Variants in ADRA1D observed in about 807,000 individuals in gnomAD.
The protein encoded by ADRA1D is alpha-1D adrenergic receptor.
Under a neutral mutation model 18.6 loss-of-function variants are expected in ADRA1D, and 22 were observed. The ratio of observed to expected loss-of-function variants is 1.19; its 90% CI spans 0.85 to 1.69. ADRA1D has a LOEUF of 1.69. ADRA1D is among the 40% of genes most tolerant of loss of function. The pLI, the probability that ADRA1D is intolerant of heterozygous loss-of-function variation, is 0.00. For missense variants in ADRA1D, 840 were observed against 840.7 expected (o/e 1.00, Z 0.01); for synonymous variants, 376 against 388.2 (o/e 0.97, Z 0.37).
At chr20:4,242,237 A>T (rs1321908384) in intron 1 of ADRA1D, among the ~76,000 whole-genome samples, 1 of 152,220 alleles carries the variant, frequency 6.6e-6, no homozygotes, top group Non-Finnish European at 1.5e-5. Flanking sequence ...CCATGTGTGC[A>T]TCAGTAGTTT....
Position 4,249,193 on chromosome 20 carries a change from C to T in ADRA1D, c.-236G>A. On this transcript the variant is annotated 5_prime_UTR_variant, in exon 1 of 2. Transcript: ENST00000379453. Reference sequence around the variant, plus strand: ...GGAGTAGCACCGAAGAGCCGGGGCCCGCTACGCGCGCGGCGCTCTGAGCGT... The same window carrying T: ...GGAGTAGCACCGAAGAGCCGGGGCCTGCTACGCGCGCGGCGCTCTGAGCGT... The T allele has an allele frequency of 5.7e-6, 1 of 176,096 alleles. No individual in the cohort carries two copies. The highest frequency in any genetic ancestry group is 2.0e-4 in the South Asian group (1 of 5,106). 10.9% of individuals were successfully genotyped at this position (176,096 alleles called of 1,614,324 possible).
chr20:4,236,205 G>A (rs904260487), intron 1 of ADRA1D, among the ~76,000 whole-genome samples: 9 of 152,194 alleles, frequency 5.9e-5, no homozygotes, highest in Admixed American at 4.6e-4. Context: ...AAACTGGGGG[G>A]ACTTTGGTCA....
rs559982791 is a variant in ADRA1D at position 4,228,802 on chromosome 20, G to A, written c.1112-6672C>T. 2.0e-5 allele frequency among the ~76,000 whole-genome samples: 3 copies of A among 152,302 alleles called. No individual in the cohort carries two copies. In the South Asian group the frequency reaches 6.2e-4, roughly 32 times the overall value. On this transcript the variant is annotated intron_variant, in intron 1 of 1. Transcript: ENST00000379453. ...TTAGTGTCCCTACTTGTATGGTGGAGCCCTCGATCCTTAAGCCACCCACAA... is the reference window on the plus strand; with the variant it reads ...TTAGTGTCCCTACTTGTATGGTGGAACCCTCGATCCTTAAGCCACCCACAA...
At chr20:4,235,850 G>A (rs1981077087) in intron 1 of ADRA1D, among the ~76,000 whole-genome samples, 1 of 152,202 alleles carries the variant, frequency 6.6e-6, no homozygotes, top group Non-Finnish European at 1.5e-5. Context: ...GGGGGTGCAC[G>A]GCAGGCCTGG....
In ADRA1D at chr20:4,248,899, G is replaced by T; in HGVS notation, c.59C>A (p.Ala20Glu). Reference sequence around the variant, plus strand: ...GCCGCCGCCCGCGCTGGAGCCCCCTGCGCTGCTGTCCGGGCGGGGTCCCTC... The same window carrying T: ...GCCGCCGCCCGCGCTGGAGCCCCCTTCGCTGCTGTCCGGGCGGGGTCCCTC... ...SFEGPRPDSS[A>E]GGSSAGGGGG... Residue 20 changes from alanine (A) to glutamate (E), a missense_variant, in exon 1 of 2, where the codon GCA (alanine) becomes GAA (glutamate). Coordinates refer to ENST00000379453, the MANE Select transcript of ADRA1D (RefSeq NM_000678.4). The T allele has an allele frequency of 1.5e-6, 2 of 1,296,868 alleles. No homozygotes were observed. The highest frequency in any genetic ancestry group is 4.0e-5 in the East Asian group (1 of 25,226). The allele number at this position is 1,296,868 out of a possible 1,614,324, so 80.3% of individuals were successfully genotyped here. A position where few individuals can be genotyped will look rare whatever the true frequency, so the allele number is the denominator to read the frequency against.
rs1344394531 is a variant in ADRA1D at position 4,248,850 on chromosome 20, GGCCGC to G, written c.103_107del (p.Ala35ProfsTer78). 5.6e-5 allele frequency: 57 copies of G among 1,017,796 alleles called. No homozygotes were observed. Among genetic ancestry groups the G allele is most frequent in the Non-Finnish European group, 6.4e-5 (54 of 849,142 alleles). 63.0% of individuals were successfully genotyped at this position (1,017,796 alleles called of 1,614,324 possible). ...CGCCCACCGCCGGGCCCTCCGAGGG[GGCCGC>G]GCCGCCCGCGCTGCCCCCGCCGCCG... is the stretch of plus-strand genomic sequence containing the variant. On this transcript the variant is annotated frameshift_variant, in exon 1 of 2. Coordinates refer to ENST00000379453, the MANE Select transcript of ADRA1D (RefSeq NM_000678.4). LOFTEE classifies it high-confidence loss of function.
chr20:4,248,084 C>G lies in ADRA1D; in HGVS notation c.874G>C (p.Val292Leu). Residue 292 changes from valine to leucine, a missense_variant, in exon 1 of 2, where the codon GTC becomes CTC. Physicochemically the swap from Val to Leu is conservative, Grantham distance 32. Coordinates refer to ENST00000379453, the MANE Select transcript of ADRA1D (RefSeq NM_000678.4). ...RSTTRSLEAGVKRERGKASEV... is the reference protein window; with the variant it reads ...RSTTRSLEAGLKRERGKASEV... ...GAGGCCTTGCCTCGCTCGCGCTTGACGCCCGCCTCGAGGCTGCGCGTGGTG... is the reference window on the plus strand; with the variant it reads ...GAGGCCTTGCCTCGCTCGCGCTTGAGGCCCGCCTCGAGGCTGCGCGTGGTG... 1 of 1,552,546 alleles carries G rather than the reference C, an allele frequency of 6.4e-7. No individual in the cohort carries two copies. The highest frequency in any genetic ancestry group is 8.7e-7 in the Non-Finnish European group (1 of 1,148,336).
Position 4,239,308 on chromosome 20 carries a change from A to G in ADRA1D, c.1111+8539T>C, listed in dbSNP as rs1358408779. On this transcript the variant is annotated intron_variant, in intron 1 of 1. Transcript: ENST00000379453. The surrounding 1 kb of genome is among the most constrained non-coding windows in gnomAD (Gnocchi z 4.9). ...AGTTCCTCAGATGTTTGGGACAAAC[A>G]TATCAGCAGGAGCTGGGCAGAGGAC... Among the ~76,000 whole-genome samples the G allele has an allele frequency of 5.3e-5, 8 of 152,218 alleles. No individual in the cohort carries two copies. The highest frequency in any genetic ancestry group is 1.2e-4 in the Non-Finnish European group (8 of 68,048).
In ADRA1D at chr20:4,220,674, T is replaced by C. The variant is rs554047307; in HGVS notation, c.*849A>G. ...TATTCTGTTGCGGGCCTTTAGTTCT[T>C]GACAGACTTTAGGGGAAAAAGTATT... On this transcript the variant is annotated 3_prime_UTR_variant, in exon 2 of 2. Transcript: ENST00000379453. The C allele has an allele frequency of 1.3e-5, 2 of 152,730 alleles. No individual in the cohort carries two copies. Among genetic ancestry groups the C allele is most frequent in the African/African-American group, 4.8e-5 (2 of 41,544 alleles). 9.5% of individuals were successfully genotyped at this position (152,730 alleles called of 1,614,324 possible). A position where few individuals can be genotyped will look rare whatever the true frequency, so the allele number is the denominator to read the frequency against.
intron 1 of ADRA1D, among the ~76,000 whole-genome samples, chr20:4,224,237 C>G (rs2122654863): frequency 6.6e-6 from 1 of 152,284 alleles, no homozygotes; most frequent in Non-Finnish European, 1.5e-5. Context: ...CATAAACACA[C>G]TGCTCATGGG....
At chr20:4,240,750 C>T (rs762729389) in intron 1 of ADRA1D, among the ~76,000 whole-genome samples, 5 of 152,040 alleles carry the variant, frequency 3.3e-5, no homozygotes, top group Admixed American at 2.0e-4. Context: ...GCTGAGATTG[C>T]GCCACTGCAC....
Position 4,248,766 on chromosome 20 carries a change from G to A in ADRA1D, c.192C>T (p.Asp64=). ...CCGGCTCCCCCGCGGAGCTCCGGTTGTCCTCGCCGCTGCCTGCGCCCACCA... is the reference window on the plus strand; with the variant it reads ...CCGGCTCCCCCGCGGAGCTCCGGTTATCCTCGCCGCTGCCTGCGCCCACCA... ...GGVVGAGSGE[D]NRSSAGEPGS... The change falls in exon 1 of 2, where the codon GAC becomes GAT. Residue 64 remains aspartate (D), a synonymous_variant. Coordinates refer to ENST00000379453, the MANE Select transcript of ADRA1D (RefSeq NM_000678.4). 1 of 1,392,658 alleles carries A rather than the reference G, an allele frequency of 7.2e-7. No homozygotes were observed. Among genetic ancestry groups the A allele is most frequent in the East Asian group, 2.9e-5 (1 of 33,922 alleles). 86.3% of individuals were successfully genotyped at this position (1,392,658 alleles called of 1,614,324 possible).
chr20:4,234,171 T>G (rs1981035494), intron 1 of ADRA1D, among the ~76,000 whole-genome samples: 1 of 152,130 alleles, frequency 6.6e-6, no homozygotes, highest in Non-Finnish European at 1.5e-5. Flanking sequence ...CATAAGCCAG[T>G]CCATTTTCCT....
chr20:4,234,910 C>T (rs1556832), intron 1 of ADRA1D, among the ~76,000 whole-genome samples: 65,085 of 151,918 alleles, frequency 0.43, 15,247 homozygotes, highest in South Asian at 0.57. Context: ...AAGTTAGGAC[C>T]GCCAAAGTGG....
intron 1 of ADRA1D, among the ~76,000 whole-genome samples, chr20:4,245,881 G>A (rs554823345): frequency 1.3e-5 from 2 of 152,264 alleles, no homozygotes; most frequent in East Asian, 1.9e-4. Context: ...CTTAGGGTCC[G>A]TTGCTTGCCC....
intron 1 of ADRA1D, among the ~76,000 whole-genome samples, chr20:4,242,940 G>A (rs1238638323): frequency 1.3e-5 from 2 of 152,040 alleles, no homozygotes; most frequent in Non-Finnish European, 2.9e-5. Flanking sequence ...ACACTTACCA[G>A]GCAGCCCAAA....
intron 1 of ADRA1D, among the ~76,000 whole-genome samples, chr20:4,247,589 A>C (rs2122681088): frequency 6.6e-6 from 1 of 152,372 alleles, no homozygotes; most frequent in Admixed American, 6.5e-5. Context: ...AGGGGCCAGC[A>C]GCATAAGCCC....
In ADRA1D at chr20:4,222,041, T is replaced by C. The variant is rs759373684; in HGVS notation, c.1201A>G (p.Ile401Val). 1.9e-5 allele frequency: 30 copies of C among 1,611,654 alleles called. No homozygotes were observed. The South Asian group carries it at 3.3e-4, about 18-fold the overall frequency. ...AACTCGCGGCTGGAACAGGGGTAGA[T>C]GAGCGGGTTCACGCAGCTGTTGAAG... Reference protein sequence around the residue: ...GYFNSCVNPLIYPCSSREFKR... With the variant: ...GYFNSCVNPLVYPCSSREFKR... The change falls in exon 2 of 2, where the codon ATC (isoleucine) becomes GTC (valine). Residue 401 changes from isoleucine (I) to valine (V), a missense_variant. Physicochemically the swap from Ile to Val is conservative, Grantham distance 29. Transcript: ENST00000379453. This position sits in a 1 kb window ranked among gnomAD's most constrained non-coding sequence, Gnocchi z 4.3.
chr20:4,221,396 A>T lies in ADRA1D; in HGVS notation c.*127T>A, dbSNP rs1178769084. On this transcript the variant is annotated 3_prime_UTR_variant, in exon 2 of 2. Transcript: ENST00000379453. The stretch of plus-strand genomic sequence containing the variant: ...CTCTGCCCAGTTCCTCAGGGATGTC[A>T]CAGAGCAGCTGCCCTGATCAGTTTC... 9.3e-7 allele frequency: 1 copy of T among 1,073,334 alleles called. No individual in the cohort carries two copies. The highest frequency in any genetic ancestry group is 1.3e-6 in the Non-Finnish European group (1 of 749,164). 66.5% of individuals were successfully genotyped at this position (1,073,334 alleles called of 1,614,324 possible).
Sources: gnomAD v4.1 joint callset for allele counts (sites outside exome capture counted in the v4.1 genomes callset) on GRCh38, gnomAD v4.1.1 for gene constraint, Gnocchi (gnomAD v3.1) non-coding constraint, MANE v1.5 for transcripts, NCBI Gene and HGNC (gene_info 2026-07-23, HGNC 2026-07-21) for gene names.